NEK10: variants seen among roughly 807,000 people sequenced by gnomAD.
The protein encoded by NEK10 is NIMA related kinase 10.
A neutral mutation model predicts 159.8 loss-of-function variants in NEK10; 122 were observed. The observed-to-expected ratio is 0.76, with a 90% CI of 0.66 to 0.89. The LOEUF (loss-of-function observed/expected upper bound fraction) is 0.89. Ranked by LOEUF, NEK10 falls within the 40% of genes least tolerant of loss-of-function variation. The pLI is 0.00. For missense variants in NEK10, 1,342 were observed against 1,323.1 expected (o/e 1.01, Z -0.22); for synonymous variants, 466 against 457.1 (o/e 1.02, Z -0.25).
chr3:27,147,560 G>C (rs1036366765), intron 30 of NEK10, among the ~76,000 whole-genome samples: 3 of 152,188 alleles, frequency 2.0e-5, no homozygotes, highest in Admixed American at 2.0e-4. Flanking sequence ...CTGTTTAAAG[G>C]CCAGAGGCAA....
rs370269473 is a variant in NEK10, at chr3:27,185,245, A to G, written c.2505+6784T>C. On this transcript the variant is annotated intron_variant, in intron 26 of 35. Coordinates refer to ENST00000691995, the MANE Select transcript of NEK10 (RefSeq NM_001394966.1). The stretch of plus-strand genomic sequence containing the variant: ...TGTATGCCATATTTTGACTCTGGCA[A>G]TATCAAATTATCATAGGAATCTTTT... 6.6e-5 allele frequency among the ~76,000 whole-genome samples: 10 copies of G among 152,354 alleles called. No individual in the cohort carries two copies. In the East Asian group the frequency reaches 7.7e-4, roughly 12 times the overall value.
intron 3 of NEK10, among the ~76,000 whole-genome samples, chr3:27,349,119 G>A (rs1167017695): frequency 1.3e-5 from 2 of 151,960 alleles, no homozygotes; most frequent in African/African-American, 4.8e-5. Flanking sequence ...CAAGAAAGTC[G>A]TGTCACTTCT....
At chr3:27,298,867 G>A (rs1309209680) in intron 13 of NEK10, among the ~76,000 whole-genome samples, 1 of 152,066 alleles carries the variant, frequency 6.6e-6, no homozygotes, top group East Asian at 1.9e-4. Flanking sequence ...AATGATTTAG[G>A]GTACCTGGCA....
chr3:27,115,918 G>A (rs1392430182), intron 35 of NEK10, 22 bp downstream of exon 35: 1 of 1,578,244 alleles, frequency 6.3e-7, no homozygotes, highest in African/African-American at 1.3e-5. Flanking sequence ...TTTCACAATT[G>A]AAGGCAAACT....
intron 26 of NEK10, among the ~76,000 whole-genome samples, chr3:27,188,187 C>A (rs1389714621): frequency 1.3e-5 from 2 of 152,068 alleles, no homozygotes; most frequent in South Asian, 2.1e-4. Context: ...TTATCAAGAC[C>A]CTATCTTTGT....
Position 27,362,034 on chromosome 3 carries a change from A to T in NEK10, c.-38+7191T>A, listed in dbSNP as rs1411809293. ...TGGTTTAGGCAAATACAATGGATTA[A>T]ATAAGAACACTAGAAGTGTCAAAAA... is the stretch of plus-strand genomic sequence containing the variant. On this transcript the variant is annotated intron_variant, in intron 1 of 35. Transcript: ENST00000691995. 2.0e-5 allele frequency among the ~76,000 whole-genome samples: 3 copies of T among 152,362 alleles called. No individual in the cohort carries two copies. The East Asian group carries it at 5.8e-4, about 29-fold the overall frequency.
In NEK10 at chr3:27,119,828, A is replaced by G; in HGVS notation, c.3122T>C (p.Phe1041Ser). Residue 1041 changes from phenylalanine (F) to serine (S), a missense_variant, in exon 33 of 36, where the codon TTC (phenylalanine) becomes TCC (serine). Transcript: ENST00000691995. ...GSPEPIEPNF[F>S]TADYHLLHRS... is the part of the protein sequence containing the mutation. ...ATGTAATAAATGGTAATCTGCTGTG[A>G]AAAAGTTGGGCTCAATCGGTTCTGG... The G allele has an allele frequency of 3.1e-6, 5 of 1,613,992 alleles. No individual in the cohort carries two copies. Among genetic ancestry groups the G allele is most frequent in the South Asian group, 1.1e-5 (1 of 91,082 alleles).
At chr3:27,294,491 TG>T (rs1293048783) in intron 15 of NEK10, among the ~76,000 whole-genome samples, 1 of 152,216 alleles carries the variant, frequency 6.6e-6, no homozygotes. Flanking sequence ...GCCCTCCATC[TG>T]GAATTCTAAA....
chr3:27,183,496 C>G (rs1296729600), intron 26 of NEK10, among the ~76,000 whole-genome samples: 1 of 151,258 alleles, frequency 6.6e-6, no homozygotes, highest in African/African-American at 2.4e-5. Flanking sequence ...TATAAAGAAT[C>G]TTATTTTTGC....
intron 29 of NEK10, among the ~76,000 whole-genome samples, chr3:27,164,260 C>T (rs1458794195): frequency 6.6e-6 from 1 of 152,158 alleles, no homozygotes; most frequent in Non-Finnish European, 1.5e-5. Flanking sequence ...CATGTGTAGG[C>T]AGGACAGCCC....
chr3:27,249,766 A>G (rs1300040238), intron 23 of NEK10, among the ~76,000 whole-genome samples: 5 of 151,828 alleles, frequency 3.3e-5, no homozygotes, highest in Non-Finnish European at 7.4e-5. Flanking sequence ...TTTGTCATTT[A>G]TGTTTTCTGG....
At chr3:27,347,311 CT>C (rs2149797047) in intron 3 of NEK10, among the ~76,000 whole-genome samples, 1 of 151,994 alleles carries the variant, frequency 6.6e-6, no homozygotes, top group African/African-American at 2.4e-5. Context: ...GTTCGGGAGC[CT>C]GACCAACATG....
intron 30 of NEK10, among the ~76,000 whole-genome samples, chr3:27,151,638 G>A (rs1944884813): frequency 6.6e-6 from 1 of 152,082 alleles, no homozygotes; most frequent in African/African-American, 2.4e-5. Context: ...CACCAGCAAT[G>A]GAGCCAAACC....
At chr3:27,201,199 G>C (rs892845393) in intron 25 of NEK10, among the ~76,000 whole-genome samples, 4 of 152,088 alleles carry the variant, frequency 2.6e-5, no homozygotes, top group Non-Finnish European at 5.9e-5. Flanking sequence ...TATGAGGTTT[G>C]TCATGGTTAC....
At chr3:27,162,893 A>G in intron 29 of NEK10, 155 bp from the exon 30 acceptor site, 1 of 469,112 alleles carries the variant, frequency 2.1e-6, no homozygotes, top group Non-Finnish European at 2.8e-6. Context: ...GGAAATAAAT[A>G]TATTGCAATA....
intron 22 of NEK10, among the ~76,000 whole-genome samples, chr3:27,259,173 G>C (rs1391024836): frequency 2.6e-5 from 4 of 152,074 alleles, no homozygotes; most frequent in African/African-American, 9.7e-5. Flanking sequence ...TAGGTTGCCT[G>C]TTGACTCTGA....
At chr3:27,177,999 T>C (rs139474480) in intron 26 of NEK10, among the ~76,000 whole-genome samples, 3 of 152,166 alleles carry the variant, frequency 2.0e-5, no homozygotes, top group African/African-American at 7.2e-5. Context: ...GGCATCTGCA[T>C]GCATCTATCC....
At chr3:27,358,771 CAG>C (rs1198722372) in intron 1 of NEK10, among the ~76,000 whole-genome samples, 1 of 152,184 alleles carries the variant, frequency 6.6e-6, no homozygotes, top group East Asian at 1.9e-4. Flanking sequence ...AAATATAAAA[CAG>C]AGTCATTTGA....
intron 22 of NEK10, among the ~76,000 whole-genome samples, chr3:27,271,554 G>A (rs1220572865): frequency 2.0e-5 from 3 of 152,102 alleles, no homozygotes; most frequent in African/African-American, 7.2e-5. Context: ...AAACTGAGGA[G>A]CATTACAATG....
Sources: gnomAD v4.1 joint callset for allele counts (sites outside exome capture counted in the v4.1 genomes callset) on GRCh38, gnomAD v4.1.1 for gene constraint, MANE v1.5 for transcripts, NCBI Gene and HGNC (gene_info 2026-07-23, HGNC 2026-07-21) for gene names.